PAPPA: variants seen among roughly 807,000 people sequenced by gnomAD.
PAPPA encodes pappalysin 1.
Under a neutral mutation model 164.0 loss-of-function variants are expected in PAPPA, and 60 were observed. The observed-to-expected ratio is 0.37, with a 90% confidence interval of 0.30 to 0.45. PAPPA has a LOEUF of 0.45. PAPPA is among the 20% of genes least tolerant of loss of function. PAPPA has a pLI of 1.00. For missense variants in PAPPA, 1,782 were observed against 2,087.3 expected, an observed-to-expected ratio of 0.85 and a Z score of 2.85; for synonymous variants, 875 against 814.1, an observed-to-expected ratio of 1.07 and a Z score of -1.27.
At chr9:116,163,938 C>T (rs1273277639) in intron 1 of PAPPA, among the ~76,000 whole-genome samples, 1 of 152,174 alleles carries the variant, frequency 6.6e-6, no homozygotes. Context: ...ATTGGTACTT[C>T]CTGATAGCTG....
intron 11 of PAPPA, among the ~76,000 whole-genome samples, chr9:116,331,869 C>T (rs1845995541): frequency 6.6e-6 from 1 of 152,184 alleles, no homozygotes; most frequent in African/African-American, 2.4e-5. Flanking sequence ...TTTCTCTCCT[C>T]AAAGCCGAGT....
intron 2 of PAPPA, among the ~76,000 whole-genome samples, chr9:116,191,965 T>C (rs926035773): frequency 6.6e-6 from 1 of 152,060 alleles, no homozygotes; most frequent in Non-Finnish European, 1.5e-5. Context: ...GAGGAGAAAG[T>C]GGTTATGGGA....
intron 1 of PAPPA, among the ~76,000 whole-genome samples, chr9:116,159,534 A>G (rs984688515): frequency 2.0e-5 from 3 of 152,196 alleles, no homozygotes; most frequent in Non-Finnish European, 2.9e-5. Context: ...TAAGAGCCAA[A>G]GGAGGCCCAG....
intron 2 of PAPPA, among the ~76,000 whole-genome samples, chr9:116,198,839 T>C (rs1344953098): frequency 1.3e-5 from 2 of 152,214 alleles, no homozygotes; most frequent in African/African-American, 4.8e-5. Flanking sequence ...TGCTTTATTC[T>C]GAGATTATTT....
At chr9:116,373,442 A>T (rs1245447738) in intron 19 of PAPPA, 1 of 152,122 alleles carries the variant, frequency 6.6e-6, no homozygotes, top group Non-Finnish European at 1.5e-5. Flanking sequence ...TAATAATAAT[A>T]ACTGATATGA....
At chr9:116,351,145 C>T (rs1846276942) in intron 15 of PAPPA, among the ~76,000 whole-genome samples, 1 of 152,160 alleles carries the variant, frequency 6.6e-6, no homozygotes, top group Non-Finnish European at 1.5e-5. Context: ...TTATTGTACT[C>T]CTCCCTGTCC....
intron 18 of PAPPA, among the ~76,000 whole-genome samples, chr9:116,364,442 C>T (rs1382304449): frequency 1.3e-5 from 2 of 152,142 alleles, no homozygotes; most frequent in Non-Finnish European, 2.9e-5. Context: ...GCCCCAAACA[C>T]ACACATCATA....
At position 116,370,653 on chromosome 9, in the gene PAPPA, G is replaced by A. The variant is rs146321778; in HGVS notation, c.4605+2899G>A. 3.6e-3 allele frequency among the ~76,000 whole-genome samples: 543 copies of A among 152,340 alleles called. 3 individuals are homozygous for A. Among genetic ancestry groups the A allele is most frequent in the African/African-American group, 0.013 (527 of 41,576 alleles). The stretch of plus-strand genomic sequence containing the variant: ...GAAGATCCAGGCACTGCTGGCTCTT[G>A]CGAGCCTATGCAAGCCAGCTGTGGT... On this transcript the variant is annotated intron_variant, in intron 19 of 21. Coordinates refer to ENST00000328252, the MANE Select transcript of PAPPA (RefSeq NM_002581.5).
At chr9:116,291,367 G>A (rs562210454) in intron 9 of PAPPA, among the ~76,000 whole-genome samples, 4 of 152,246 alleles carry the variant, frequency 2.6e-5, no homozygotes, top group South Asian at 4.1e-4. Context: ...GGGACAATTT[G>A]TGTAGAATTG....
chr9:116,191,266 G>A (rs1844039596), intron 2 of PAPPA, among the ~76,000 whole-genome samples: 1 of 152,162 alleles, frequency 6.6e-6, no homozygotes, highest in Admixed American at 6.5e-5. Flanking sequence ...TTTGGGGAGG[G>A]CTTTGTCTGT....
intron 1 of PAPPA, among the ~76,000 whole-genome samples, chr9:116,157,167 G>A (rs1843613656): frequency 2.0e-5 from 3 of 152,196 alleles, no homozygotes; most frequent in African/African-American, 7.2e-5. Flanking sequence ...TTACGGTGCT[G>A]TTAACCGGGT....
chr9:116,333,441 C>A (rs1305607034), intron 12 of PAPPA, among the ~76,000 whole-genome samples: 2 of 152,098 alleles, frequency 1.3e-5, no homozygotes, highest in Non-Finnish European at 2.9e-5. Context: ...CTGGATACTC[C>A]AAGTATTTGG....
At chr9:116,327,660 G>A (rs930660804) in intron 10 of PAPPA, among the ~76,000 whole-genome samples, 1 of 152,074 alleles carries the variant, frequency 6.6e-6, no homozygotes, top group Non-Finnish European at 1.5e-5. Flanking sequence ...TCACACTTGT[G>A]TCCTTAGTGG....
At chr9:116,214,700 A>G (rs1844349568) in intron 4 of PAPPA, among the ~76,000 whole-genome samples, 1 of 152,208 alleles carries the variant, frequency 6.6e-6, no homozygotes, top group African/African-American at 2.4e-5. Flanking sequence ...TAGCAGACCC[A>G]GTTCCACTTT....
At chr9:116,218,466 G>A (rs1261906341) in intron 4 of PAPPA, among the ~76,000 whole-genome samples, 2 of 152,198 alleles carry the variant, frequency 1.3e-5, no homozygotes, top group Admixed American at 6.5e-5. Flanking sequence ...ACACCTCTGG[G>A]AAGTGGTGTT....
At chr9:116,194,531 T>C (rs1156559179) in intron 2 of PAPPA, among the ~76,000 whole-genome samples, 2 of 152,362 alleles carry the variant, frequency 1.3e-5, no homozygotes, top group Admixed American at 1.3e-4. Flanking sequence ...GGAAAAATTA[T>C]GCGTGCTAGA....
In PAPPA at chr9:116,211,862, G is replaced by C. The variant is rs1440913153; in HGVS notation, c.1848G>C (p.Gly616=). The C allele has an allele frequency of 5.0e-6, 8 of 1,614,024 alleles. No homozygotes were observed. Among genetic ancestry groups the C allele is most frequent in the Non-Finnish European group, 6.8e-6 (8 of 1,180,014 alleles). The change falls in exon 4 of 22, where the codon GGG becomes GGC. Residue 616 remains glycine, a synonymous_variant. Transcript: ENST00000328252. ...AACACAAGTCCTGTGGTGACCCAGG[G>C]CCAGGAAATGACACCTGTGGCTTTC... is the stretch of plus-strand genomic sequence containing the variant. ...APKHKSCGDP[G]PGNDTCGFHS...
chr9:116,355,921 C>T (rs966428610), intron 17 of PAPPA, among the ~76,000 whole-genome samples: 5 of 152,182 alleles, frequency 3.3e-5, no homozygotes, highest in Non-Finnish European at 5.9e-5. Context: ...TTCCTCTACC[C>T]TCAGATCAGG....
intron 9 of PAPPA, among the ~76,000 whole-genome samples, chr9:116,275,499 G>C (rs894485164): frequency 2.6e-5 from 4 of 152,178 alleles, no homozygotes; most frequent in African/African-American, 9.7e-5. Flanking sequence ...ACAGCACACA[G>C]AGGTATGATC....
Sources: allele counts gnomAD v4.1 joint callset (sites outside exome capture counted in the v4.1 genomes callset), GRCh38; gene constraint gnomAD v4.1.1; transcripts MANE v1.5; gene names NCBI Gene and HGNC (gene_info 2026-07-23, HGNC 2026-07-21).